Variants in LINGO2 observed in about 807,000 individuals in gnomAD.
The protein encoded by LINGO2 is leucine rich repeat and Ig domain containing 2, also known as leucine-rich repeat and immunoglobulin-like domain-containing nogo receptor-interacting protein 2.
Under a neutral mutation model 30.6 loss-of-function variants are expected in LINGO2, and 14 were observed. The ratio of observed to expected loss-of-function variants is 0.46; its 90% CI spans 0.30 to 0.72. LINGO2 has a LOEUF of 0.72. LINGO2 is among the 30% of genes least tolerant of loss of function. The probability of loss-of-function intolerance (pLI) is 0.07; values close to 1 mark genes in which losing one functional copy is unlikely to be tolerated. For missense variants in LINGO2, 729 were observed against 751.7 expected, an observed-to-expected ratio of 0.97 and a Z score of 0.35; for synonymous variants, 317 against 288.5, an observed-to-expected ratio of 1.10 and a Z score of -1.00.
chr9:28,842,391 C>T, the LINGO2 span, among the ~76,000 whole-genome samples: 12 of 151,952 alleles, frequency 7.9e-5, 1 homozygote, highest in African/African-American at 2.9e-4. Flanking sequence ...CACTGTGCAA[C>T]AAGGTTTCTT....
chr9:28,673,615 C>T (rs891347057), upstream of LINGO2, among the ~76,000 whole-genome samples: 1 of 151,884 alleles, frequency 6.6e-6, no homozygotes, highest in African/African-American at 2.4e-5. Flanking sequence ...TGCAGTGAGC[C>T]AAGATCACGC....
the LINGO2 span, among the ~76,000 whole-genome samples, chr9:29,152,580 T>C: frequency 6.6e-6 from 1 of 152,176 alleles, no homozygotes; most frequent in Non-Finnish European, 1.5e-5. Context: ...TTTTCACTTA[T>C]AAGTGAGAGG....
At chr9:28,984,592 TA>T in the LINGO2 span, among the ~76,000 whole-genome samples, 1 of 151,950 alleles carries the variant, frequency 6.6e-6, no homozygotes, top group Non-Finnish European at 1.5e-5. Flanking sequence ...ATAGGGGAAA[TA>T]AAATGAATGA....
At chr9:28,024,554 G>T (rs1430321730) in intron 4 of LINGO2, among the ~76,000 whole-genome samples, 9 of 152,152 alleles carry the variant, frequency 5.9e-5, no homozygotes, top group Non-Finnish European at 1.3e-4. Context: ...TTCAGATTTT[G>T]CATTTATCTC....
At chr9:28,990,211 C>A in the LINGO2 span, among the ~76,000 whole-genome samples, 62 of 152,326 alleles carry the variant, frequency 4.1e-4, no homozygotes, top group Middle Eastern at 6.8e-3. Context: ...TATCCCGCAT[C>A]CGGCTCGGAG....
chr9:28,168,239 T>C lies in LINGO2; in HGVS notation c.-87+126969A>G, dbSNP rs567694145. 2.6e-5 allele frequency among the ~76,000 whole-genome samples: 4 copies of C among 152,294 alleles called. No individual in the cohort carries two copies. In the East Asian group the frequency reaches 5.8e-4, roughly 22 times the overall value. ...CGGATATTTTAGGTCCATTAGCCAATACAGTTTTTGATTAAGCCATGGTTT... is the reference window on the plus strand; with the variant it reads ...CGGATATTTTAGGTCCATTAGCCAACACAGTTTTTGATTAAGCCATGGTTT... On this transcript the variant is annotated intron_variant, in intron 4 of 5. Transcript: ENST00000379992.
intron 5 of LINGO2, among the ~76,000 whole-genome samples, chr9:27,976,659 C>T (rs547747629): frequency 6.6e-6 from 1 of 152,114 alleles, no homozygotes; most frequent in Admixed American, 6.6e-5. Context: ...AGTCTGGTTC[C>T]ATCATCTCTA....
At chr9:28,900,980 C>G in the LINGO2 span, among the ~76,000 whole-genome samples, 1 of 151,898 alleles carries the variant, frequency 6.6e-6, no homozygotes, top group South Asian at 2.1e-4. Flanking sequence ...AAATCAAACA[C>G]AAATCAGATT....
chr9:28,657,017 A>T (rs1461152924), intron 1 of LINGO2, among the ~76,000 whole-genome samples: 1 of 152,112 alleles, frequency 6.6e-6, no homozygotes, highest in Non-Finnish European at 1.5e-5. Flanking sequence ...AATGAATCAT[A>T]AGCCCAGGCA....
At position 28,229,429 on chromosome 9, in the gene LINGO2, A is replaced by T. The variant is rs373532272; in HGVS notation, c.-87+65779T>A. Among the ~76,000 whole-genome samples the T allele has an allele frequency of 1.3e-3, 197 of 151,868 alleles. 2 individuals carry two copies. The South Asian group carries it at 0.027, about 20-fold the overall frequency. On this transcript the variant is annotated intron_variant, in intron 4 of 5. Coordinates refer to ENST00000379992, the Ensembl canonical transcript of LINGO2. ...ACCTTGTTTACAAGAAAATAAGTTA[A>T]TAGTAGGAACAAGTATCAGAGGAGC...
intron 4 of LINGO2, among the ~76,000 whole-genome samples, chr9:28,134,214 CA>C (rs1827451945): frequency 6.6e-6 from 1 of 152,060 alleles, no homozygotes; most frequent in South Asian, 2.1e-4. Flanking sequence ...TTCTTGTCCC[CA>C]AACAACCCAT....
rs139342490 is a variant in LINGO2 at position 28,576,512 on chromosome 9, C to T, written c.-365+93688G>A. 4.6e-5 allele frequency among the ~76,000 whole-genome samples: 7 copies of T among 152,266 alleles called. No individual in the cohort carries two copies. The East Asian group carries it at 1.4e-3, about 29-fold the overall frequency. The stretch of plus-strand genomic sequence containing the variant: ...CAAAACAAACTAATGAAAGCTTTGC[C>T]ATTATGCAGATATTCCGGAATAACT... On this transcript the variant is annotated intron_variant, in intron 1 of 5. Coordinates refer to ENST00000379992, the Ensembl canonical transcript of LINGO2.
chr9:28,172,114 C>T (rs13299133), intron 4 of LINGO2, among the ~76,000 whole-genome samples: 16,224 of 148,280 alleles, frequency 0.11, 1,191 homozygotes, highest in Middle Eastern at 0.2. Flanking sequence ...ATTCACGGCC[C>T]GGCGCGGTGG....
the LINGO2 span, among the ~76,000 whole-genome samples, chr9:28,767,009 T>C: frequency 6.6e-6 from 1 of 151,596 alleles, no homozygotes; most frequent in Non-Finnish European, 1.5e-5. Context: ...TACTGCATGA[T>C]CTCACTTTGA....
chr9:29,012,388 A>G, the LINGO2 span, among the ~76,000 whole-genome samples: 1 of 152,176 alleles, frequency 6.6e-6, no homozygotes, highest in Non-Finnish European at 1.5e-5. Flanking sequence ...TCACATTTAT[A>G]GAAACAGACT....
intron 4 of LINGO2, among the ~76,000 whole-genome samples, chr9:28,046,627 G>C (rs1398508918): frequency 6.6e-6 from 1 of 152,092 alleles, no homozygotes; most frequent in Non-Finnish European, 1.5e-5. Flanking sequence ...CTGTCTCCTT[G>C]AAATTTCTGT....
chr9:28,943,546 TA>T, the LINGO2 span, among the ~76,000 whole-genome samples: 1 of 152,210 alleles, frequency 6.6e-6, no homozygotes, highest in Non-Finnish European at 1.5e-5. Context: ...ATGTGGTTTT[TA>T]AAGTTTATAT....
intron 4 of LINGO2, among the ~76,000 whole-genome samples, chr9:28,048,924 G>A (rs1015972748): frequency 2.0e-5 from 3 of 150,740 alleles, no homozygotes; most frequent in African/African-American, 7.4e-5. Flanking sequence ...ATTCTATCCC[G>A]AGTGTAACAA....
At chr9:28,821,168 C>A in the LINGO2 span, among the ~76,000 whole-genome samples, 1 of 143,744 alleles carries the variant, frequency 7.0e-6, no homozygotes, top group African/African-American at 2.7e-5. Context: ...CCCTTGCGAA[C>A]AAAGTGAGCA....
Sources: allele counts gnomAD v4.1 joint callset (sites outside exome capture counted in the v4.1 genomes callset), GRCh38; gene constraint gnomAD v4.1.1; transcripts MANE v1.5; gene names NCBI Gene and HGNC (gene_info 2026-07-23, HGNC 2026-07-21).